Variants in FOXK1 observed in about 807,000 individuals in gnomAD.
The protein encoded by FOXK1 is forkhead box protein K1.
A neutral mutation model predicts 51.9 loss-of-function variants in FOXK1; 19 were observed. The observed-to-expected ratio is 0.37, with a 90% CI of 0.26 to 0.54. The LOEUF (loss-of-function observed/expected upper bound fraction) is 0.54, where lower values mean the gene tolerates loss of function less well. FOXK1 is among the 20% of genes least tolerant of loss of function. The probability of loss-of-function intolerance (pLI) is 0.87; values close to 1 mark genes in which losing one functional copy is unlikely to be tolerated. For synonymous variants in FOXK1, 537 were observed against 482.6 expected (o/e 1.11, Z -1.48); for missense variants, 870 against 1,032.7 (o/e 0.84, Z 2.16).
chr7:4,684,928 A>G (rs1472903301), intron 1 of FOXK1, among the ~76,000 whole-genome samples: 1 of 151,786 alleles, frequency 6.6e-6, no homozygotes, highest in African/African-American at 2.4e-5. Context: ...TTATCGGTGT[A>G]TACAGTCCTT....
At chr7:4,705,764 C>A (rs1261126557) in intron 1 of FOXK1, among the ~76,000 whole-genome samples, 3 of 143,440 alleles carry the variant, frequency 2.1e-5, no homozygotes, top group Non-Finnish European at 4.5e-5. Flanking sequence ...GTCTCGATCT[C>A]CCAACCTCGT....
rs191575146 is a variant in FOXK1 at position 4,731,041 on chromosome 7, C to T, written c.561-9797C>T. ...CCATTTGCTGAACAGTCTTATTTCT[C>T]GGAGGAGTTTAAGCAAACACTGCAG... On this transcript the variant is annotated intron_variant, in intron 1 of 8. Transcript: ENST00000328914. This position sits in a 1 kb window ranked among gnomAD's most constrained non-coding sequence, Gnocchi z 5.3. 2.9e-3 allele frequency among the ~76,000 whole-genome samples: 446 copies of T among 152,254 alleles called. 2 individuals are homozygous for T. Among genetic ancestry groups the T allele is most frequent in the African/African-American group, 9.5e-3 (394 of 41,554 alleles).
At chr7:4,754,704 C>T in intron 3 of FOXK1, 89 bp downstream of exon 3, 1 of 1,460,746 alleles carries the variant, frequency 6.8e-7, no homozygotes, top group Admixed American at 2.0e-5. Context: ...AGCCCAGGGC[C>T]TGCGGGCGTG....
At position 4,734,402 on chromosome 7, in the gene FOXK1, G is replaced by A. The variant is rs533178400; in HGVS notation, c.561-6436G>A. On this transcript the variant is annotated intron_variant, in intron 1 of 8. Transcript: ENST00000328914. This position sits in a 1 kb window ranked among gnomAD's most constrained non-coding sequence, Gnocchi z 5.2. ...GCCTTGGTGGGCAGGTGCAGGGCCC[G>A]CTCCCTCCTTGGGAGGATGAGATGC... 1.3e-5 allele frequency among the ~76,000 whole-genome samples: 2 copies of A among 152,282 alleles called. No individual in the cohort carries two copies. Among genetic ancestry groups the A allele is most frequent in the African/African-American group, 2.4e-5 (1 of 41,566 alleles).
chr7:4,720,849 C>G (rs6959744), intron 1 of FOXK1, among the ~76,000 whole-genome samples: 53,113 of 151,006 alleles, frequency 0.35, 9,837 homozygotes, highest in African/African-American at 0.45. Context: ...CTCCTGAGCA[C>G]CTGGAATTAG....
chr7:4,698,033 C>T (rs1180603933), intron 1 of FOXK1, among the ~76,000 whole-genome samples: 1 of 152,068 alleles, frequency 6.6e-6, no homozygotes, highest in Non-Finnish European at 1.5e-5. Flanking sequence ...CCATGTTGGC[C>T]AGGCTGGCCT....
In FOXK1 at chr7:4,682,945, G is replaced by GA. The variant is rs977407253; in HGVS notation, c.560+78dup. On this transcript the variant is annotated intron_variant, in intron 1 of 8. Transcript: ENST00000328914. This position sits in a 1 kb window ranked among gnomAD's most constrained non-coding sequence, Gnocchi z 7.6. ...TCGATCTCTGAGGCCCGGGCCTGGG[G>GA]ATCCCCCTCCAGCTTCCTCGGCCTC... 7 of 1,345,722 alleles carry GA rather than the reference G, an allele frequency of 5.2e-6. No homozygotes were observed. In the African/African-American group the frequency reaches 1.1e-4, roughly 21 times the overall value. The allele number at this position is 1,345,722 out of a possible 1,614,324, so 83.4% of individuals were successfully genotyped here. A position where few individuals can be genotyped will look rare whatever the true frequency, so the allele number is the denominator to read the frequency against.
At position 4,711,273 on chromosome 7, in the gene FOXK1, T is replaced by A. The variant is rs1583190098; in HGVS notation, c.560+28405T>A. Among the ~76,000 whole-genome samples, 1 of 152,052 alleles carries A rather than the reference T, an allele frequency of 6.6e-6. No individual in the cohort carries two copies. The highest frequency in any genetic ancestry group is 2.4e-5 in the African/African-American group (1 of 41,402). On this transcript the variant is annotated intron_variant, in intron 1 of 8. Coordinates refer to ENST00000328914, the MANE Select transcript of FOXK1 (RefSeq NM_001037165.2). The surrounding 1 kb of genome is among the most constrained non-coding windows in gnomAD (Gnocchi z 6.3). The stretch of plus-strand genomic sequence containing the variant: ...GGGTGTTTTCACAGGGTGGGAAGGC[T>A]GAGTGTCCTGGGAAGCGTCCATGGG...
At chr7:4,705,729 G>C (rs1239984291) in intron 1 of FOXK1, among the ~76,000 whole-genome samples, 1 of 151,092 alleles carries the variant, frequency 6.6e-6, no homozygotes, top group African/African-American at 2.4e-5. Context: ...AGTAGAGAGG[G>C]GGTTTCACCA....
At position 4,753,485 on chromosome 7, in the gene FOXK1, C is replaced by G. The variant is rs901816168; in HGVS notation, c.747-974C>G. 5.9e-5 allele frequency among the ~76,000 whole-genome samples: 9 copies of G among 151,960 alleles called. No individual in the cohort carries two copies. Among genetic ancestry groups the G allele is most frequent in the African/African-American group, 2.2e-4 (9 of 41,364 alleles). On this transcript the variant is annotated intron_variant, in intron 2 of 8. Transcript: ENST00000328914. The surrounding 1 kb of genome is among the most constrained non-coding windows in gnomAD (Gnocchi z 4.9). The stretch of plus-strand genomic sequence containing the variant: ...GCAGCAGGGAGCATCCTACCCGCCA[C>G]GGGGGCTCTAAGTCAGCTGAGAGGG...
Position 4,731,890 on chromosome 7 carries a change from T to C in FOXK1, c.561-8948T>C, listed in dbSNP as rs1231526078. Among the ~76,000 whole-genome samples the C allele has an allele frequency of 6.6e-6, 1 of 152,210 alleles. No individual in the cohort carries two copies. The highest frequency in any genetic ancestry group is 2.4e-5 in the African/African-American group (1 of 41,464). The stretch of plus-strand genomic sequence containing the variant: ...CTGAAGCACATTTTCAGTAACCGCT[T>C]GCTACGTGCCAGCCGTCCGGTCAGG... On this transcript the variant is annotated intron_variant, in intron 1 of 8. Transcript: ENST00000328914. This position sits in a 1 kb window ranked among gnomAD's most constrained non-coding sequence, Gnocchi z 5.3.
chr7:4,735,883 G>A lies in FOXK1; in HGVS notation c.561-4955G>A, dbSNP rs1173604623. Among the ~76,000 whole-genome samples the A allele has an allele frequency of 6.6e-6, 1 of 152,208 alleles. No individual in the cohort carries two copies. Among genetic ancestry groups the A allele is most frequent in the African/African-American group, 2.4e-5 (1 of 41,440 alleles). ...CTATTTAAAAATCAAGCCAGGTGCA[G>A]CGGCTCACACCTGTAATCCCAGCAC... On this transcript the variant is annotated intron_variant, in intron 1 of 8. Transcript: ENST00000328914. The surrounding 1 kb of genome is among the most constrained non-coding windows in gnomAD (Gnocchi z 4.7).
At chr7:4,692,657 G>A (rs941628471) in intron 1 of FOXK1, among the ~76,000 whole-genome samples, 68 of 152,168 alleles carry the variant, frequency 4.5e-4, no homozygotes, top group Non-Finnish European at 5.4e-4. Flanking sequence ...CAGGTGATCC[G>A]CCTGCCTCAG....
chr7:4,725,752 G>A (rs963122454), intron 1 of FOXK1, among the ~76,000 whole-genome samples: 3 of 152,230 alleles, frequency 2.0e-5, no homozygotes, highest in Admixed American at 6.5e-5. Context: ...GTGGCTGCCC[G>A]GGCTGGGCTG....
At chr7:4,740,013 G>A (rs1034890232) in intron 1 of FOXK1, among the ~76,000 whole-genome samples, 4 of 152,206 alleles carry the variant, frequency 2.6e-5, no homozygotes, top group African/African-American at 7.2e-5. Flanking sequence ...GACAACTGAC[G>A]GCTGGGCACA....
At position 4,755,656 on chromosome 7, in the gene FOXK1, A is replaced by C. The variant is rs1780837270; in HGVS notation, c.1050+273A>C. On this transcript the variant is annotated intron_variant, in intron 4 of 8. Coordinates refer to ENST00000328914, the MANE Select transcript of FOXK1 (RefSeq NM_001037165.2). The surrounding 1 kb of genome is among the most constrained non-coding windows in gnomAD (Gnocchi z 6.6). ...TGAGGTGGGAGGATCACTTGAGCCC[A>C]GGAGGTGGAGGCTGCAGTGAGCTAT... is the stretch of plus-strand genomic sequence containing the variant. 6.6e-6 allele frequency among the ~76,000 whole-genome samples: 1 copy of C among 152,206 alleles called. No homozygotes were observed. Among genetic ancestry groups the C allele is most frequent in the South Asian group, 2.1e-4 (1 of 4,834 alleles).
intron 1 of FOXK1, among the ~76,000 whole-genome samples, chr7:4,688,930 A>G (rs1195640359): frequency 6.6e-6 from 1 of 150,380 alleles, no homozygotes; most frequent in Non-Finnish European, 1.5e-5. Flanking sequence ...TAACATTAGC[A>G]GCTTTTGGTG....
rs1780147238 is a variant in FOXK1 at position 4,709,479 on chromosome 7, CACCCCTGCTGGCCCGCG to C, written c.560+26624_560+26640del. ...GTCTCCGAGCAGATCGAGGCTGGCCCACCCCTGCTGGCCCGCGACCCCTGCTGGCAGATCGAGGCTGG... is the reference window on the plus strand; with the variant it reads ...GTCTCCGAGCAGATCGAGGCTGGCCCACCCCTGCTGGCAGATCGAGGCTGG... On this transcript the variant is annotated intron_variant, in intron 1 of 8. Transcript: ENST00000328914. This position sits in a 1 kb window ranked among gnomAD's most constrained non-coding sequence, Gnocchi z 5.6. Among the ~76,000 whole-genome samples the C allele has an allele frequency of 6.6e-6, 1 of 152,144 alleles. No homozygotes were observed. Among genetic ancestry groups the C allele is most frequent in the Non-Finnish European group, 1.5e-5 (1 of 68,020 alleles).
chr7:4,687,175 A>G (rs547473272), intron 1 of FOXK1, among the ~76,000 whole-genome samples: 4 of 150,530 alleles, frequency 2.7e-5, no homozygotes, highest in South Asian at 2.1e-4. Context: ...CTCATGATCC[A>G]CCCTCCTCGG....
Sources: gnomAD v4.1 joint callset for allele counts (sites outside exome capture counted in the v4.1 genomes callset) on GRCh38, gnomAD v4.1.1 for gene constraint, Gnocchi (gnomAD v3.1) non-coding constraint, MANE v1.5 for transcripts, NCBI Gene and HGNC (gene_info 2026-07-23, HGNC 2026-07-21) for gene names.